Variants in HDAC5 observed in about 807,000 individuals in gnomAD.
The protein encoded by HDAC5 is antigen NY-CO-9.
HDAC5 carries 25 observed loss-of-function variants against 133.3 expected under a neutral mutation model. The ratio of observed to expected loss-of-function variants is 0.19; its 90% CI spans 0.14 to 0.26. The LOEUF is 0.26. HDAC5 is among the 10% of genes least tolerant of loss of function. The pLI, the probability that HDAC5 is intolerant of heterozygous loss-of-function variation, is 1.00. For missense variants in HDAC5, 1,041 were observed against 1,460.5 expected (o/e 0.71, Z 4.68); for synonymous variants, 589 against 610.8 (o/e 0.96, Z 0.53).
intron 2 of HDAC5, chr17:44,111,700 G>C: frequency 5.8e-6 from 3 of 515,516 alleles, no homozygotes; most frequent in South Asian, 4.2e-5. Context: ...AGAGTTGAGA[G>C]GTGCCTCCCC....
intron 1 of HDAC5, among the ~76,000 whole-genome samples, chr17:44,121,641 C>CGCCCAACATTCCCAG (rs2053012861): frequency 6.6e-6 from 1 of 152,026 alleles, no homozygotes; most frequent in African/African-American, 2.4e-5. Context: ...AAATGACCCC[C>CGCCCAACATTCCCAG]GCCCAACATT....
At chr17:44,089,158 TAAGTGTG>T (rs1223240362) in intron 11 of HDAC5, among the ~76,000 whole-genome samples, 2 of 152,240 alleles carry the variant, frequency 1.3e-5, no homozygotes, top group African/African-American at 2.4e-5. Context: ...AAATGTGATA[TAAGTGTG>T]AAGTATACAC....
intron 15 of HDAC5, 46 bp downstream of exon 15, chr17:44,084,976 A>T: frequency 6.4e-7 from 1 of 1,555,424 alleles, no homozygotes; most frequent in Non-Finnish European, 8.8e-7. Flanking sequence ...AGGGAAACAA[A>T]GGCTGGATTT....
chr17:44,115,066 C>G (rs1014697009), intron 2 of HDAC5, among the ~76,000 whole-genome samples: 1 of 152,220 alleles, frequency 6.6e-6, no homozygotes, highest in African/African-American at 2.4e-5. Flanking sequence ...CTCTTGCTAA[C>G]ATGTTCACTG....
intron 3 of HDAC5, among the ~76,000 whole-genome samples, chr17:44,101,160 C>T (rs1028516321): frequency 6.7e-6 from 1 of 149,650 alleles, no homozygotes; most frequent in Non-Finnish European, 1.5e-5. Flanking sequence ...AATCCCAGCA[C>T]TTTGGGAGGC....
At chr17:44,112,747 A>G (rs1326048189) in intron 2 of HDAC5, among the ~76,000 whole-genome samples, 1 of 152,224 alleles carries the variant, frequency 6.6e-6, no homozygotes, top group African/African-American at 2.4e-5. Flanking sequence ...AGGCAGAGGC[A>G]GGCTTTCCCA....
In HDAC5 at chr17:44,110,806, G is replaced by T. The variant is rs1188219710; in HGVS notation, c.23-6C>A. ...TTCCCGACCTGACATCCCATCTGCT[G>T]AGAAACAGGATTCTGTCTCATAGAT... On this transcript the variant is annotated splice_polypyrimidine_tract_variant and splice_region_variant and intron_variant, in intron 2 of 26. Coordinates refer to ENST00000682912, the MANE Select transcript of HDAC5 (RefSeq NM_005474.5). 1.2e-6 allele frequency: 2 copies of T among 1,612,274 alleles called. No homozygotes were observed. The highest frequency in any genetic ancestry group is 3.3e-5 in the Admixed American group (2 of 59,908).
chr17:44,095,764 C>T (rs1320322597), intron 3 of HDAC5, among the ~76,000 whole-genome samples: 1 of 151,332 alleles, frequency 6.6e-6, no homozygotes, highest in Non-Finnish European at 1.5e-5. Flanking sequence ...GAGGAGGAGA[C>T]AGGAAAGGAA....
chr17:44,089,437 C>T (rs1170402713), intron 11 of HDAC5, among the ~76,000 whole-genome samples: 1 of 151,762 alleles, frequency 6.6e-6, no homozygotes, highest in Non-Finnish European at 1.5e-5. Flanking sequence ...GGTGAAACCC[C>T]GTCTCTACTA....
At chr17:44,102,037 C>T (rs2523161) in intron 3 of HDAC5, among the ~76,000 whole-genome samples, 89,537 of 152,034 alleles carry the variant, frequency 0.59, 31,249 homozygotes, top group South Asian at 0.88. Context: ...CTCTCACAAC[C>T]CCAGGAGGCC....
At chr17:44,111,738 A>G (rs1302799710) in intron 2 of HDAC5, 1 of 496,738 alleles carries the variant, frequency 2.0e-6, no homozygotes, top group Non-Finnish European at 4.0e-6. Context: ...AGAGACCCCT[A>G]AACACCTGCT....
chr17:44,089,819 G>A (rs1309126378), intron 11 of HDAC5, among the ~76,000 whole-genome samples: 5 of 149,688 alleles, frequency 3.3e-5, no homozygotes, highest in Non-Finnish European at 7.4e-5. Context: ...AACTACTCAG[G>A]AGGCTGAAGC....
Position 44,105,964 on chromosome 17 carries a change from TG to T in HDAC5, c.94+4764del, listed in dbSNP as rs554059616. Among the ~76,000 whole-genome samples the T allele has an allele frequency of 2.6e-5, 4 of 152,194 alleles. No individual in the cohort carries two copies. In the East Asian group the frequency reaches 7.7e-4, roughly 29 times the overall value. Reference sequence around the variant, plus strand: ...TGCCCTACAGAATCCAAACCTTTGTTGGGGGGGCAGGGTGTCAAGGCCTGAG... The same window carrying T: ...TGCCCTACAGAATCCAAACCTTTGTTGGGGGGCAGGGTGTCAAGGCCTGAG... On this transcript the variant is annotated intron_variant, in intron 3 of 26. Coordinates refer to ENST00000682912, the MANE Select transcript of HDAC5 (RefSeq NM_005474.5).
chr17:44,084,706 C>CA, intron 15 of HDAC5, 31 bp from the exon 16 acceptor site: 1 of 1,611,652 alleles, frequency 6.2e-7, no homozygotes, highest in Non-Finnish European at 8.5e-7. Flanking sequence ...AGGGGTCACA[C>CA]AAAGGCACAG....
intron 2 of HDAC5, chr17:44,111,358 G>A: frequency 6.0e-6 from 2 of 335,430 alleles, no homozygotes; most frequent in Non-Finnish European, 1.2e-5. Flanking sequence ...GGGGGAGGCG[G>A]TTCTACCCCA....
chr17:44,119,674 G>A (rs1216435184), intron 1 of HDAC5, among the ~76,000 whole-genome samples: 1 of 152,218 alleles, frequency 6.6e-6, no homozygotes, highest in East Asian at 1.9e-4. Flanking sequence ...AAGTGAACCA[G>A]AGCCACAGGC....
At chr17:44,095,000 T>C (rs1271636638) in intron 3 of HDAC5, among the ~76,000 whole-genome samples, 1 of 152,120 alleles carries the variant, frequency 6.6e-6, no homozygotes, top group Non-Finnish European at 1.5e-5. Flanking sequence ...CTCACTATGT[T>C]GCCCAGGCTG....
rs773588979 is a variant in HDAC5, at chr17:44,092,820, G to C, written c.642-14C>G. On this transcript the variant is annotated splice_polypyrimidine_tract_variant and intron_variant, in intron 6 of 26. Coordinates refer to ENST00000682912, the MANE Select transcript of HDAC5 (RefSeq NM_005474.5). ...TGGTGGGCTCCCCTGGGGTGGGGGG[G>C]GGGTGGGGATGGAAGCAGATCTAGG... 1.2e-5 allele frequency: 10 copies of C among 855,450 alleles called. No homozygotes were observed. The highest frequency in any genetic ancestry group is 7.8e-5 in the East Asian group (3 of 38,580). 53.0% of individuals were successfully genotyped at this position (855,450 alleles called of 1,614,324 possible). A position where few individuals can be genotyped will look rare whatever the true frequency, so the allele number is the denominator to read the frequency against.
At chr17:44,113,161 G>A (rs1457744242) in intron 2 of HDAC5, among the ~76,000 whole-genome samples, 1 of 152,214 alleles carries the variant, frequency 6.6e-6, no homozygotes, top group Non-Finnish European at 1.5e-5. Context: ...CCAGGCATAG[G>A]AGAGTGTGGC....
Sources: allele counts gnomAD v4.1 joint callset (sites outside exome capture counted in the v4.1 genomes callset), GRCh38; gene constraint gnomAD v4.1.1; transcripts MANE v1.5; gene names NCBI Gene and HGNC (gene_info 2026-07-23, HGNC 2026-07-21).